The following FBXW2 variants were observed in gnomAD, a reference collection of about 807,000 sequenced individuals.
The protein encoded by FBXW2 is F-box and WD repeat domain containing 2.
In FBXW2, 12 loss-of-function variants were observed where a neutral mutation model predicts 46.0. The observed-to-expected ratio is 0.26, with a 90% CI of 0.17 to 0.42. FBXW2 has a LOEUF of 0.42. FBXW2 is among the 10% of genes least tolerant of loss of function. The pLI, the probability that FBXW2 is intolerant of heterozygous loss-of-function variation, is 1.00. For synonymous variants in FBXW2, 203 were observed against 209.6 expected, an observed-to-expected ratio of 0.97 and a Z score of 0.27; for missense variants, 360 against 537.0, an observed-to-expected ratio of 0.67 and a Z score of 3.26.
chr9:120,767,555 T>A (rs142784265), intron 7 of FBXW2, among the ~76,000 whole-genome samples: 10 of 152,180 alleles, frequency 6.6e-5, no homozygotes, highest in African/African-American at 2.2e-4. Flanking sequence ...TGATAACTCA[T>A]CCATCATTTT....
chr9:120,767,650 C>T (rs980989815), intron 7 of FBXW2, among the ~76,000 whole-genome samples: 2 of 152,170 alleles, frequency 1.3e-5, no homozygotes, highest in African/African-American at 4.8e-5. Flanking sequence ...ACCAGGATTT[C>T]GGCAGTGAAT....
chr9:120,764,328 C>T lies in FBXW2; in HGVS notation c.*231G>A. 1.9e-6 allele frequency: 1 copy of T among 527,034 alleles called. No homozygotes were observed. Among genetic ancestry groups the T allele is most frequent in the Non-Finnish European group, 3.4e-6 (1 of 295,464 alleles). The allele number at this position is 527,034 out of a possible 1,614,324, so 32.6% of individuals were successfully genotyped here. A position where few individuals can be genotyped will look rare whatever the true frequency, so the allele number is the denominator to read the frequency against. On this transcript the variant is annotated 3_prime_UTR_variant, in exon 8 of 8. Coordinates refer to ENST00000608872, the MANE Select transcript of FBXW2 (RefSeq NM_012164.4). ...TAACACTGACCAACATAACTAAGTA[C>T]AAATGAAGTCAATGGTGTACCCCAT...
At chr9:120,787,592 T>C (rs1434300903) in intron 3 of FBXW2, among the ~76,000 whole-genome samples, 177 bp downstream of exon 3, 1 of 152,146 alleles carries the variant, frequency 6.6e-6, no homozygotes, top group Non-Finnish European at 1.5e-5. Context: ...AATGATTGTG[T>C]TCTCTAGAGA....
chr9:120,773,100 T>C (rs375813293), intron 5 of FBXW2, among the ~76,000 whole-genome samples: 30 of 151,950 alleles, frequency 2.0e-4, no homozygotes, highest in African/African-American at 5.3e-4. Flanking sequence ...GGTGGGAGGA[T>C]TGCTTGAGCC....
intron 7 of FBXW2, among the ~76,000 whole-genome samples, chr9:120,765,761 A>G (rs1049418385): frequency 1.3e-5 from 2 of 152,228 alleles, no homozygotes; most frequent in African/African-American, 4.8e-5. Context: ...ACTTAGAAAC[A>G]TTTATTAATA....
Position 120,762,487 on chromosome 9 carries a change from G to A in FBXW2, c.*2072C>T, listed in dbSNP as rs1292746825. 1 of 152,208 alleles carries A rather than the reference G, an allele frequency of 6.6e-6. No individual in the cohort carries two copies. Among genetic ancestry groups the A allele is most frequent in the Non-Finnish European group, 1.5e-5 (1 of 68,052 alleles). The allele number at this position is 152,208 out of a possible 1,614,324, so 9.4% of individuals were successfully genotyped here. On this transcript the variant is annotated 3_prime_UTR_variant, in exon 8 of 8. Coordinates refer to ENST00000608872, the MANE Select transcript of FBXW2 (RefSeq NM_012164.4). ...AGAGCTGATGCACAGAACTCAATGT[G>A]AGATAGATTAAACCCAGATTTTGTG...
intron 6 of FBXW2, 119 bp from the exon 7 acceptor site, chr9:120,771,636 AGGTTT>A: frequency 1.3e-6 from 1 of 786,096 alleles, no homozygotes; most frequent in Non-Finnish European, 2.0e-6. Context: ...GAAAGACCCC[AGGTTT>A]TATAGCCAAG....
Position 120,761,535 on chromosome 9 carries a change from T to C in FBXW2, c.*3024A>G, listed in dbSNP as rs534554829. On this transcript the variant is annotated 3_prime_UTR_variant, in exon 8 of 8. Transcript: ENST00000608872. The stretch of plus-strand genomic sequence containing the variant: ...AATGAAAGGAGAGTAAAGAATAGTT[T>C]TAGTTATCCCCTATCCACTTCTCAT... 9 of 152,334 alleles carry C rather than the reference T, an allele frequency of 5.9e-5. No individual in the cohort carries two copies. The South Asian group carries it at 1.7e-3, about 28-fold the overall frequency. 9.4% of individuals were successfully genotyped at this position (152,334 alleles called of 1,614,324 possible).
At chr9:120,792,791 C>T in intron 2 of FBXW2, 2 of 1,063,552 alleles carry the variant, frequency 1.9e-6, no homozygotes, top group Non-Finnish European at 2.6e-6. Context: ...CAGTACTCGG[C>T]ACGCTGTAAG....
rs1200139164 is a variant in FBXW2, at chr9:120,762,328, G to GA, written c.*2230dup. The GA allele has an allele frequency of 6.8e-6, 1 of 148,074 alleles. No homozygotes were observed. Among genetic ancestry groups the GA allele is most frequent in the Non-Finnish European group, 1.5e-5 (1 of 67,254 alleles). 9.2% of individuals were successfully genotyped at this position (148,074 alleles called of 1,614,324 possible). Reference sequence around the variant, plus strand: ...GCACTCCAGCCTGCGCAGTAAGAGCGAAACTCTGTCTCAAAAAAAAAAAAA... The same window carrying GA: ...GCACTCCAGCCTGCGCAGTAAGAGCGAAAACTCTGTCTCAAAAAAAAAAAAA... On this transcript the variant is annotated 3_prime_UTR_variant, in exon 8 of 8. Coordinates refer to ENST00000608872, the MANE Select transcript of FBXW2 (RefSeq NM_012164.4).
At chr9:120,765,109 T>TTTTGAGACAGGGTCTCACTGTGTTGCCCA (rs2044252166) in intron 7 of FBXW2, among the ~76,000 whole-genome samples, 1 of 151,892 alleles carries the variant, frequency 6.6e-6, no homozygotes, top group East Asian at 1.9e-4. Flanking sequence ...TTTTTTTTTT[T>TTTTGAGACAGGGTCTCACTGTGTTGCCCA]TTTGAGACAG....
rs775207266 is a variant in FBXW2, at chr9:120,764,840, T to G, written c.1084A>C (p.Lys362Gln). ...GCCAAGTTTGCTATCTCAGGAGTCT[T>G]GATGACCCTACAAGGATGAGAGTTA... ...FASYDILRVI[K>Q]TPEIANLALL... The change falls in exon 8 of 8, where the codon AAG (lysine) becomes CAG (glutamine). Residue 362 changes from lysine (K) to glutamine (Q), a missense_variant. Lys to Gln is a moderately conservative substitution (Grantham distance 53, BLOSUM62 1). Transcript: ENST00000608872. The G allele has an allele frequency of 2.5e-6, 4 of 1,581,434 alleles. No individual in the cohort carries two copies. In the Admixed American group the frequency reaches 6.9e-5, roughly 27 times the overall value.
At chr9:120,790,546 G>C (rs1197300595) in intron 2 of FBXW2, among the ~76,000 whole-genome samples, 1 of 152,164 alleles carries the variant, frequency 6.6e-6, no homozygotes, top group Non-Finnish European at 1.5e-5. Flanking sequence ...ACAGTGAAAA[G>C]TGTGGTGTGG....
intron 3 of FBXW2, among the ~76,000 whole-genome samples, chr9:120,779,342 C>T (rs2044563584): frequency 6.6e-6 from 1 of 152,138 alleles, no homozygotes; most frequent in Admixed American, 6.5e-5. Flanking sequence ...TTTTGAGAAT[C>T]CACTAAATAC....
intron 7 of FBXW2, among the ~76,000 whole-genome samples, chr9:120,765,770 T>C (rs2044265525): frequency 1.3e-5 from 2 of 152,038 alleles, no homozygotes; most frequent in African/African-American, 4.8e-5. Flanking sequence ...CATTTATTAA[T>C]AATAGATTCA....
chr9:120,776,607 CA>C (rs1474339166), intron 4 of FBXW2: 3 of 155,848 alleles, frequency 1.9e-5, no homozygotes, highest in Non-Finnish European at 4.2e-5. Context: ...AACAGTAAGA[CA>C]AAATATAAAG....
chr9:120,793,166 G>T lies in FBXW2; in HGVS notation c.-38C>A, dbSNP rs2044889339. ...GCACTGACCTGAGCGAGCGCCCCGG[G>T]GCCCGGGACCTCGCGCCGGGTTCAC... On this transcript the variant is annotated 5_prime_UTR_variant, in exon 2 of 8. Transcript: ENST00000608872. 1.7e-6 allele frequency: 1 copy of T among 578,310 alleles called. No individual in the cohort carries two copies. The highest frequency in any genetic ancestry group is 3.0e-6 in the Non-Finnish European group (1 of 329,148). The allele number at this position is 578,310 out of a possible 1,614,324, so 35.8% of individuals were successfully genotyped here.
chr9:120,778,263 T>TA (rs34793838), intron 4 of FBXW2, 88 bp downstream of exon 4: 138,256 of 1,019,800 alleles, frequency 0.14, 1,998 homozygotes, highest in African/African-American at 0.15. Flanking sequence ...CAGGTTAAAT[T>TA]AAAAAAAAAA....
chr9:120,775,391 A>T (rs1400645736), intron 5 of FBXW2, among the ~76,000 whole-genome samples: 1 of 152,110 alleles, frequency 6.6e-6, no homozygotes, highest in Non-Finnish European at 1.5e-5. Flanking sequence ...AAAACTTAAC[A>T]CAATTTGAAA....
Sources: allele counts gnomAD v4.1 joint callset (sites outside exome capture counted in the v4.1 genomes callset), GRCh38; gene constraint gnomAD v4.1.1; transcripts MANE v1.5; gene names NCBI Gene and HGNC (gene_info 2026-07-23, HGNC 2026-07-21).